The following IL1RAPL2 variants were observed in gnomAD, a reference collection of about 807,000 sequenced individuals.
The protein encoded by IL1RAPL2 is interleukin 1 receptor accessory protein like 2.
A neutral mutation model predicts 44.1 loss-of-function variants in IL1RAPL2; 3 were observed. The observed-to-expected ratio is 0.07, with a 90% CI of 0.03 to 0.18. IL1RAPL2 has a LOEUF of 0.18. IL1RAPL2 is among the 10% of genes least tolerant of loss of function. The pLI is 1.00. For synonymous variants in IL1RAPL2, 181 were observed against 178.8 expected (o/e 1.01, Z -0.10); for missense variants, 391 against 496.4 (o/e 0.79, Z 2.02).
intron 6 of IL1RAPL2, among the ~76,000 whole-genome samples, chrX:105,684,483 G>A (rs1161760443): frequency 8.9e-6 from 1 of 112,509 alleles, no homozygotes; most frequent in African/African-American, 3.2e-5. Flanking sequence ...TCGGGGAGGG[G>A]CGTCTGCCGT....
At chrX:104,709,816 G>A (rs982831807) in intron 2 of IL1RAPL2, among the ~76,000 whole-genome samples, 2 of 109,977 alleles carry the variant, frequency 1.8e-5, no homozygotes, top group African/African-American at 6.6e-5. Context: ...AAAAGATAAG[G>A]GACACAGCTT....
chrX:105,544,399 TTC>T (rs1249579057), intron 6 of IL1RAPL2, among the ~76,000 whole-genome samples: 10 of 111,493 alleles, frequency 9.0e-5, no homozygotes, highest in African/African-American at 3.2e-4. Flanking sequence ...TTTTCCTTCT[TTC>T]TTTCTTTTGA....
chrX:105,132,595 A>G (rs1007471569), intron 2 of IL1RAPL2, among the ~76,000 whole-genome samples: 2 of 111,581 alleles, frequency 1.8e-5, no homozygotes, highest in African/African-American at 6.5e-5. Context: ...AAAGAGGACA[A>G]TGTGCCTGGA....
intron 2 of IL1RAPL2, among the ~76,000 whole-genome samples, chrX:104,801,443 GTT>G (rs5903251): frequency 3.8e-3 from 405 of 107,144 alleles, no homozygotes; most frequent in Admixed American, 7.3e-3. Flanking sequence ...AGTTGTTGTT[GTT>G]TTTTTTTTGT....
chrX:105,670,252 C>A lies in IL1RAPL2; in HGVS notation c.773-47115C>A, dbSNP rs2037811804. On this transcript the variant is annotated intron_variant, in intron 6 of 10. Coordinates refer to ENST00000372582, the MANE Select transcript of IL1RAPL2 (RefSeq NM_017416.2). ...TTTTTTTTTTGCAATACTGTTTTAG[C>A]TATTCTAAGTTCTTTGACTTTTCAC... Among the ~76,000 whole-genome samples the A allele has an allele frequency of 4.1e-5, 4 of 97,367 alleles. No homozygotes were observed. The South Asian group carries it at 2.0e-3, about 48-fold the overall frequency. The allele number at this position is 97,367 out of a possible 115,157, so 84.6% of individuals were successfully genotyped here. A position where few individuals can be genotyped will look rare whatever the true frequency, so the allele number is the denominator to read the frequency against.
At chrX:105,504,064 A>G (rs1488879978) in intron 6 of IL1RAPL2, among the ~76,000 whole-genome samples, 1 of 111,993 alleles carries the variant, frequency 8.9e-6, no homozygotes, top group East Asian at 2.8e-4. Context: ...ATAGCACCAT[A>G]CCTACTTACA....
At chrX:104,677,602 C>T (rs1450837393) in intron 2 of IL1RAPL2, among the ~76,000 whole-genome samples, 2 of 112,667 alleles carry the variant, frequency 1.8e-5, no homozygotes, top group Middle Eastern at 4.2e-3. Flanking sequence ...AGGCAGGCCT[C>T]CTTGTGCTGT....
At chrX:105,428,108 C>T (rs1321602422) in intron 5 of IL1RAPL2, among the ~76,000 whole-genome samples, 1 of 110,765 alleles carries the variant, frequency 9.0e-6, no homozygotes, top group Non-Finnish European at 1.9e-5. Context: ...AAAGTATTAT[C>T]AAATGAAGAA....
chrX:105,543,603 A>T (rs1945920791), intron 6 of IL1RAPL2, among the ~76,000 whole-genome samples: 1 of 112,482 alleles, frequency 8.9e-6, no homozygotes, highest in African/African-American at 3.2e-5. Flanking sequence ...TCTGAAGCCA[A>T]GAAAGACCAC....
chrX:105,501,606 G>A (rs762433043), intron 6 of IL1RAPL2, among the ~76,000 whole-genome samples: 5 of 110,822 alleles, frequency 4.5e-5, no homozygotes, highest in Non-Finnish European at 9.4e-5. Flanking sequence ...CCTAGATGAC[G>A]AAGTGAGACC....
chrX:105,562,618 T>A lies in IL1RAPL2; in HGVS notation c.772+78231T>A, dbSNP rs1176358535. The stretch of plus-strand genomic sequence containing the variant: ...CAGGTCTCATAGCCAGAATGCTAGG[T>A]AAGCAGGAGTTTAGGCACATACTTA... On this transcript the variant is annotated intron_variant, in intron 6 of 10. Transcript: ENST00000372582. Among the ~76,000 whole-genome samples the A allele has an allele frequency of 3.6e-5, 4 of 110,178 alleles. No homozygotes were observed. The Admixed American group carries it at 3.9e-4, about 11-fold the overall frequency.
chrX:105,113,279 C>T (rs1020040130), intron 2 of IL1RAPL2, among the ~76,000 whole-genome samples: 2 of 112,403 alleles, frequency 1.8e-5, no homozygotes, highest in Non-Finnish European at 3.8e-5. Context: ...TGTGCCACTA[C>T]TGGGCACTCT....
intron 2 of IL1RAPL2, among the ~76,000 whole-genome samples, chrX:104,959,472 T>G (rs1045982671): frequency 8.9e-6 from 1 of 111,954 alleles, no homozygotes; most frequent in Non-Finnish European, 1.9e-5. Context: ...CTACAGTCAT[T>G]TAGAGTTATT....
At chrX:104,679,581 A>T (rs1413190981) in intron 2 of IL1RAPL2, among the ~76,000 whole-genome samples, 1 of 111,808 alleles carries the variant, frequency 8.9e-6, no homozygotes, top group African/African-American at 3.3e-5. Context: ...CTTGAATTTT[A>T]TGATGGGGAT....
chrX:105,077,892 A>T (rs2032335030), intron 2 of IL1RAPL2, among the ~76,000 whole-genome samples: 1 of 111,624 alleles, frequency 9.0e-6, no homozygotes, highest in East Asian at 2.8e-4. Flanking sequence ...CAGCTCCATC[A>T]GGTCCTTTAA....
chrX:104,570,206 T>C (rs762348590), intron 1 of IL1RAPL2, among the ~76,000 whole-genome samples: 1 of 112,209 alleles, frequency 8.9e-6, no homozygotes, highest in South Asian at 3.7e-4. Context: ...ACTCACACCT[T>C]TTAATCTCTG....
intron 7 of IL1RAPL2, among the ~76,000 whole-genome samples, chrX:105,727,185 G>A (rs985582800): frequency 5.4e-5 from 6 of 111,412 alleles, no homozygotes; most frequent in Admixed American, 9.5e-5. Flanking sequence ...GACCATTTAC[G>A]ATGAATGAAA....
intron 6 of IL1RAPL2, among the ~76,000 whole-genome samples, chrX:105,659,592 G>A (rs2037704360): frequency 9.2e-6 from 1 of 108,892 alleles, no homozygotes; most frequent in East Asian, 2.9e-4. Context: ...GGGAGGCAGA[G>A]CTTGCAGTGA....
At chrX:104,634,589 C>A (rs1444262208) in intron 1 of IL1RAPL2, among the ~76,000 whole-genome samples, 1 of 111,736 alleles carries the variant, frequency 8.9e-6, no homozygotes, top group Non-Finnish European at 1.9e-5. Flanking sequence ...ATCCCTTTAC[C>A]ATTATGGAAT....
Sources: gnomAD v4.1 joint callset for allele counts (sites outside exome capture counted in the v4.1 genomes callset) on GRCh38, gnomAD v4.1.1 for gene constraint, MANE v1.5 for transcripts, NCBI Gene and HGNC (gene_info 2026-07-23, HGNC 2026-07-21) for gene names.